The following ESR1 variants were observed in gnomAD, a reference collection of about 807,000 sequenced individuals.
ESR1 encodes the protein estrogen receptor 1, also known as estrogen receptor.
ESR1 carries 12 observed loss-of-function variants against 52.7 expected under a neutral mutation model. The observed-to-expected ratio is 0.23, with a 90% CI of 0.15 to 0.37. The LOEUF (loss-of-function observed/expected upper bound fraction) is 0.37, where lower values mean the gene tolerates loss of function less well. Among genes scored for constraint, ESR1 ranks in the 10% least tolerant of loss-of-function variants. The probability of loss-of-function intolerance (pLI) is 1.00; values close to 1 mark genes in which losing one functional copy is unlikely to be tolerated. For missense variants in ESR1, 584 were observed against 779.7 expected, an observed-to-expected ratio of 0.75 and a Z score of 2.99; for synonymous variants, 305 against 316.8, an observed-to-expected ratio of 0.96 and a Z score of 0.39.
intron 2 of ESR1, among the ~76,000 whole-genome samples, chr6:151,846,027 T>C (rs576346206): frequency 6.6e-6 from 1 of 152,190 alleles, no homozygotes; most frequent in East Asian, 1.9e-4. Context: ...CAGTGTCTTA[T>C]AGGATCCAAA....
chr6:151,942,384 G>A (rs1281119116), intron 3 of ESR1, among the ~76,000 whole-genome samples: 1 of 152,158 alleles, frequency 6.6e-6, no homozygotes, highest in African/African-American at 2.4e-5. Context: ...TATTGTACAA[G>A]TTGCTTCATC....
At chr6:152,055,713 TA>T (rs2128939970) in intron 5 of ESR1, among the ~76,000 whole-genome samples, 1 of 152,306 alleles carries the variant, frequency 6.6e-6, no homozygotes, top group African/African-American at 2.4e-5. Flanking sequence ...GAGTGTCCAC[TA>T]CACACTATCG....
rs149880904 is a variant in ESR1, at chr6:151,702,824, A to T, written c.-71+819A>T. ...ACCTCTTGAAAAGTCATGCCTCTAG[A>T]AAGTGCAAATTGTCACCATTGCCTA... On this transcript the variant is annotated intron_variant, in intron 2 of 2. Coordinates refer to the ESR1 transcript ENST00000404742. 3.2e-3 allele frequency among the ~76,000 whole-genome samples: 490 copies of T among 152,362 alleles called. 3 individuals are homozygous for T. The highest frequency in any genetic ancestry group is 0.011 in the African/African-American group (451 of 41,576).
At chr6:151,866,705 AT>A (rs1333389642) in intron 2 of ESR1, among the ~76,000 whole-genome samples, 1 of 151,944 alleles carries the variant, frequency 6.6e-6, no homozygotes, top group Non-Finnish European at 1.5e-5. Flanking sequence ...TATGTGCCAC[AT>A]TTTCTTTATC....
At chr6:151,794,354 A>G (rs1254655261) in intron 2 of ESR1, among the ~76,000 whole-genome samples, 1 of 152,196 alleles carries the variant, frequency 6.6e-6, no homozygotes, top group Admixed American at 6.5e-5. Context: ...TCAGTGGTTT[A>G]TGGCTTCAAC....
At chr6:151,890,791 T>C (rs1194177823) in intron 3 of ESR1, among the ~76,000 whole-genome samples, 1 of 152,242 alleles carries the variant, frequency 6.6e-6, no homozygotes, top group Non-Finnish European at 1.5e-5. Flanking sequence ...TTATTTGATA[T>C]AAATATAGCT....
intron 1 of ESR1, among the ~76,000 whole-genome samples, chr6:151,701,590 T>C (rs1039806522): frequency 6.7e-6 from 1 of 148,718 alleles, no homozygotes; most frequent in Non-Finnish European, 1.5e-5. Context: ...TGGGCCTGAG[T>C]TGGTGTAGTG....
chr6:152,108,281 G>A (rs2051091424), intron 6 of ESR1, among the ~76,000 whole-genome samples: 1 of 152,286 alleles, frequency 6.6e-6, no homozygotes, highest in Admixed American at 6.5e-5. Flanking sequence ...AAAGCTGTCG[G>A]TCCTTCTACC....
intron 2 of ESR1, among the ~76,000 whole-genome samples, chr6:151,710,164 G>A (rs1780487574): frequency 6.6e-6 from 1 of 151,690 alleles, no homozygotes; most frequent in Admixed American, 6.6e-5. Context: ...TGCCAGGCCT[G>A]AGACGTATTG....
chr6:151,785,840 T>C (rs1349366895), intron 2 of ESR1, among the ~76,000 whole-genome samples: 1 of 152,224 alleles, frequency 6.6e-6, no homozygotes, highest in Non-Finnish European at 1.5e-5. Context: ...GGAAGTGTGA[T>C]TCAAGTACAG....
chr6:151,880,790 G>GGGCCATCCCCAA lies in ESR1; in HGVS notation c.760+21_760+22insCCATCCCCAAGG. The stretch of plus-strand genomic sequence containing the variant: ...AAAGGTGGTAGGTACATCTCTCCCA[G>GGGCCATCCCCAA]GGGCCCTTGGGGATGGCCCTGGCCA... On this transcript the variant is annotated intron_variant, in intron 3 of 7. Coordinates refer to ENST00000206249, the MANE Select transcript of ESR1 (RefSeq NM_000125.4). 4 of 1,326,058 alleles carry GGGCCATCCCCAA rather than the reference G, an allele frequency of 3.0e-6. No individual in the cohort carries two copies. Among genetic ancestry groups the GGGCCATCCCCAA allele is most frequent in the Non-Finnish European group, 4.4e-6 (4 of 917,358 alleles). 82.1% of individuals were successfully genotyped at this position (1,326,058 alleles called of 1,614,324 possible).
At chr6:151,752,245 A>G (rs139402200) in intron 2 of ESR1, among the ~76,000 whole-genome samples, 232 of 152,328 alleles carry the variant, frequency 1.5e-3, no homozygotes, top group African/African-American at 4.8e-3. Context: ...ATCTTAATGT[A>G]GCCTTTTAAA....
intron 3 of ESR1, among the ~76,000 whole-genome samples, chr6:151,938,295 A>G (rs1490597407): frequency 2.6e-5 from 4 of 152,214 alleles, no homozygotes; most frequent in Non-Finnish European, 5.9e-5. Flanking sequence ...GCATAATCCA[A>G]TGAATTCTAT....
chr6:152,036,656 G>A (rs1013581801), intron 5 of ESR1, among the ~76,000 whole-genome samples: 1 of 152,118 alleles, frequency 6.6e-6, no homozygotes, highest in Admixed American at 6.5e-5. Context: ...ATTTAGAAAT[G>A]GTATGTTCTG....
intron 3 of ESR1, among the ~76,000 whole-genome samples, chr6:151,895,097 G>C (rs1302053798): frequency 1.3e-5 from 2 of 148,680 alleles, no homozygotes; most frequent in Non-Finnish European, 3.0e-5. Flanking sequence ...CTTTGTAGAG[G>C]TCCTTCACCT....
At chr6:152,032,106 A>T (rs2128868961) in intron 5 of ESR1, among the ~76,000 whole-genome samples, 1 of 152,196 alleles carries the variant, frequency 6.6e-6, no homozygotes, top group East Asian at 1.9e-4. Context: ...CATGCTAAAA[A>T]CTCTCAATAA....
chr6:152,006,367 A>C (rs2042333060), intron 4 of ESR1, among the ~76,000 whole-genome samples: 1 of 152,020 alleles, frequency 6.6e-6, no homozygotes, highest in African/African-American at 2.4e-5. Flanking sequence ...TCTGCATATA[A>C]GAGAGTCCAA....
At chr6:151,891,605 A>G (rs1466659266) in intron 3 of ESR1, among the ~76,000 whole-genome samples, 1 of 152,202 alleles carries the variant, frequency 6.6e-6, no homozygotes, top group African/African-American at 2.4e-5. Context: ...TGTCCAAATC[A>G]CTAAGCTAAG....
At chr6:151,731,590 A>G (rs1782250103) in intron 2 of ESR1, among the ~76,000 whole-genome samples, 1 of 152,130 alleles carries the variant, frequency 6.6e-6, no homozygotes. Flanking sequence ...TACAAGACAC[A>G]TATAAACCCT....
Sources: gnomAD v4.1 joint callset for allele counts (sites outside exome capture counted in the v4.1 genomes callset) on GRCh38, gnomAD v4.1.1 for gene constraint, MANE v1.5 for transcripts, NCBI Gene and HGNC (gene_info 2026-07-23, HGNC 2026-07-21) for gene names.